KIFAP3: variants seen among roughly 807,000 people sequenced by gnomAD.
The protein encoded by KIFAP3 is kinesin-associated protein 3.
KIFAP3 carries 68 observed loss-of-function variants against 106.5 expected under a neutral mutation model. That is an observed-to-expected ratio of 0.64 (90% CI 0.53 to 0.78). KIFAP3 has a LOEUF of 0.78. KIFAP3 is among the 30% of genes least tolerant of loss of function. KIFAP3 has a pLI of 0.00. For synonymous variants in KIFAP3, 320 were observed against 311.5 expected, an observed-to-expected ratio of 1.03 and a Z score of -0.29; for missense variants, 780 against 941.8, an observed-to-expected ratio of 0.83 and a Z score of 2.25.
At chr1:169,957,567 T>C (rs926718169) in intron 18 of KIFAP3, among the ~76,000 whole-genome samples, 2 of 152,180 alleles carry the variant, frequency 1.3e-5, no homozygotes, top group African/African-American at 4.8e-5. Flanking sequence ...AAAAACTCAG[T>C]ATCTTCTTAT....
intron 3 of KIFAP3, among the ~76,000 whole-genome samples, chr1:170,046,161 T>G (rs1337555543): frequency 2.3e-5 from 3 of 131,346 alleles, no homozygotes; most frequent in Non-Finnish European, 3.1e-5. Flanking sequence ...TGAGGTTTTC[T>G]CTCATCTCCT....
intron 10 of KIFAP3, among the ~76,000 whole-genome samples, chr1:169,998,442 C>A (rs1667496516): frequency 6.6e-6 from 1 of 151,200 alleles, no homozygotes; most frequent in African/African-American, 2.4e-5. Flanking sequence ...ACACACCACA[C>A]ACACTTTTTT....
chr1:169,984,829 A>T, intron 11 of KIFAP3, 139 bp from the exon 12 acceptor site: 1 of 537,020 alleles, frequency 1.9e-6, no homozygotes, highest in East Asian at 2.9e-5. Context: ...AACACATAAA[A>T]CTGGCAGGCG....
In KIFAP3 at chr1:169,979,847, T is replaced by C. The variant is rs1283928481; in HGVS notation, c.1799-1664A>G. On this transcript the variant is annotated intron_variant, in intron 15 of 19. Transcript: ENST00000361580. ...ATATTCATAGGAGCATTATTTATAATAGTCCTCCCCCCCACAAAAACCTAA... is the reference window on the plus strand; with the variant it reads ...ATATTCATAGGAGCATTATTTATAACAGTCCTCCCCCCCACAAAAACCTAA... Among the ~76,000 whole-genome samples, 3 of 151,898 alleles carry C rather than the reference T, an allele frequency of 2.0e-5. No individual in the cohort carries two copies. The South Asian group carries it at 6.2e-4, about 31-fold the overall frequency.
chr1:170,040,832 C>CT (rs776420489), intron 3 of KIFAP3, among the ~76,000 whole-genome samples: 9,360 of 142,802 alleles, frequency 0.066, 370 homozygotes, highest in Non-Finnish European at 0.098. Flanking sequence ...TCTATTTTTG[C>CT]TTTTTTTTTT....
At chr1:169,924,911 T>C (rs1208445102) in intron 19 of KIFAP3, among the ~76,000 whole-genome samples, 1 of 152,170 alleles carries the variant, frequency 6.6e-6, no homozygotes, top group East Asian at 1.9e-4. Flanking sequence ...ACTTCAATAG[T>C]GTGTATCACA....
intron 10 of KIFAP3, among the ~76,000 whole-genome samples, chr1:170,008,104 A>C (rs565655386): frequency 6.6e-6 from 1 of 151,824 alleles, no homozygotes; most frequent in South Asian, 2.1e-4. Flanking sequence ...CTTACACCTT[A>C]TACAAATATT....
At chr1:170,059,993 A>G (rs550219226) in intron 1 of KIFAP3, among the ~76,000 whole-genome samples, 6 of 152,320 alleles carry the variant, frequency 3.9e-5, no homozygotes, top group Non-Finnish European at 8.8e-5. Flanking sequence ...CTCTCAATAA[A>G]TTAGGTATTG....
intron 19 of KIFAP3, among the ~76,000 whole-genome samples, chr1:169,944,555 TCTTTGAGTC>T (rs1176476185): frequency 6.6e-6 from 1 of 152,092 alleles, no homozygotes; most frequent in Non-Finnish European, 1.5e-5. Context: ...GTGTTACAGC[TCTTTGAGTC>T]CTGCCATTCA....
In KIFAP3 at chr1:169,984,639, T is replaced by C; in HGVS notation, c.1336A>G (p.Ile446Val). 1 of 1,609,630 alleles carries C rather than the reference T, an allele frequency of 6.2e-7. No individual in the cohort carries two copies. The highest frequency in any genetic ancestry group is 1.7e-4 in the Middle Eastern group (1 of 6,038). ...GCAGCAAGATTAATGCAGAAAGAAA[T>C]GAGTTCCAAGTCAATTCGTTCATCT... Reference protein sequence around the residue: ...CSDERIDLELISFCINLAANK... With the variant: ...CSDERIDLELVSFCINLAANK... Residue 446 changes from isoleucine to valine, a missense_variant, in exon 12 of 20, where the codon ATT becomes GTT. Around this residue, in one of 3 missense-constraint regions of KIFAP3, gnomAD observed 588 missense variants for 678.9 expected, o/e 0.87. Transcript: ENST00000361580.
At chr1:170,032,029 A>G in intron 7 of KIFAP3, 45 bp from the exon 8 acceptor site, 5 of 1,057,812 alleles carry the variant, frequency 4.7e-6, no homozygotes, top group Non-Finnish European at 7.2e-6. Flanking sequence ...GAAGCAAAAA[A>G]AATCTACTGA....
chr1:169,952,729 T>G (rs1460217690), intron 19 of KIFAP3, among the ~76,000 whole-genome samples: 1 of 152,106 alleles, frequency 6.6e-6, no homozygotes, highest in African/African-American at 2.4e-5. Flanking sequence ...AGCTGTGATT[T>G]CATCAGTAAA....
rs991677854 is a variant in KIFAP3 at position 169,921,571 on chromosome 1, G to C, written c.*105C>G. 9.8e-6 allele frequency: 8 copies of C among 813,042 alleles called. No homozygotes were observed. The African/African-American group carries it at 1.4e-4, about 14-fold the overall frequency. The allele number at this position is 813,042 out of a possible 1,614,324, so 50.4% of individuals were successfully genotyped here. ...ACATATAAAAATAAAAACAAACACAGACCCACAATAACATCAACATGCATT... is the reference window on the plus strand; with the variant it reads ...ACATATAAAAATAAAAACAAACACACACCCACAATAACATCAACATGCATT... On this transcript the variant is annotated 3_prime_UTR_variant, in exon 20 of 20. Transcript: ENST00000361580.
At chr1:170,017,050 A>G (rs982057147) in intron 9 of KIFAP3, among the ~76,000 whole-genome samples, 2 of 152,176 alleles carry the variant, frequency 1.3e-5, no homozygotes, top group South Asian at 2.1e-4. Flanking sequence ...CGAGGTCAAG[A>G]GATTGAGGCC....
chr1:170,016,922 T>C (rs191683329), intron 9 of KIFAP3, among the ~76,000 whole-genome samples: 13 of 152,256 alleles, frequency 8.5e-5, no homozygotes, highest in African/African-American at 2.9e-4. Flanking sequence ...CCAGGCCCTA[T>C]GCAAAGAAGA....
chr1:169,921,972 C>G (rs919694266), intron 19 of KIFAP3, among the ~76,000 whole-genome samples, 191 bp from the exon 20 acceptor site: 1 of 151,846 alleles, frequency 6.6e-6, no homozygotes, highest in Non-Finnish European at 1.5e-5. Flanking sequence ...ATACTTCTAA[C>G]AATGTGTGTT....
chr1:169,973,521 A>G (rs535382775), intron 16 of KIFAP3, among the ~76,000 whole-genome samples: 35 of 151,150 alleles, frequency 2.3e-4, no homozygotes, highest in Non-Finnish European at 4.9e-4. Flanking sequence ...CTAGTAAAAA[A>G]AACTTGATAT....
chr1:169,929,576 A>G (rs1214764684), intron 19 of KIFAP3, among the ~76,000 whole-genome samples: 1 of 152,146 alleles, frequency 6.6e-6, no homozygotes, highest in Admixed American at 6.5e-5. Flanking sequence ...AAAATCCAAG[A>G]GCATGGTTAA....
upstream of KIFAP3, among the ~76,000 whole-genome samples, chr1:170,077,871 T>C (rs146287093): frequency 2.0e-5 from 3 of 150,410 alleles, no homozygotes; most frequent in African/African-American, 5.0e-5. Flanking sequence ...CAATCCATTT[T>C]GTTTTTCGGT....
Sources: allele counts gnomAD v4.1 joint callset (sites outside exome capture counted in the v4.1 genomes callset), GRCh38; gene constraint gnomAD v4.1.1; regional missense constraint gnomAD v4.1.1; transcripts MANE v1.5; gene names NCBI Gene and HGNC (gene_info 2026-07-23, HGNC 2026-07-21).